The following PCDHGB2 variants were observed in gnomAD, a reference collection of about 807,000 sequenced individuals.
PCDHGB2 encodes the protein protocadherin gamma-B2.
A neutral mutation model predicts 59.3 loss-of-function variants in PCDHGB2; 55 were observed. The observed-to-expected ratio is 0.93, with a 90% CI of 0.75 to 1.16. The LOEUF is 1.16. Ranked by LOEUF, PCDHGB2 falls within the 50% of genes most tolerant of loss-of-function variation. PCDHGB2 has a pLI of 0.00. For synonymous variants in PCDHGB2, 516 were observed against 512.0 expected, an observed-to-expected ratio of 1.01 and a Z score of -0.11; for missense variants, 1,228 against 1,198.5, an observed-to-expected ratio of 1.02 and a Z score of -0.36.
chr5:141,477,175 A>T lies in PCDHGB2; in HGVS notation c.2422-17632A>T, dbSNP rs1338347224. On this transcript the variant is annotated intron_variant, in intron 1 of 3. Transcript: ENST00000522605. This position sits in a 1 kb window ranked among gnomAD's most constrained non-coding sequence, Gnocchi z 4.9. ...TGAATGACAACGCCCCGGAGATCAC[A>T]GTCACCTCCGTGTACAGCCCAGTAC... is the stretch of plus-strand genomic sequence containing the variant. The T allele has an allele frequency of 1.2e-6, 2 of 1,614,186 alleles. No individual in the cohort carries two copies. The highest frequency in any genetic ancestry group is 3.3e-5 in the Admixed American group (2 of 60,028).
chr5:141,376,604 C>T (rs1772886423), intron 1 of PCDHGB2: 4 of 1,509,582 alleles, frequency 2.6e-6, no homozygotes, highest in Non-Finnish European at 3.6e-6. Context: ...GTTATAGAAG[C>T]GAACCTCTTT....
chr5:141,432,271 C>T lies in PCDHGB2; in HGVS notation c.2422-62536C>T. On this transcript the variant is annotated intron_variant, in intron 1 of 3. Transcript: ENST00000522605. The surrounding 1 kb of genome is among the most constrained non-coding windows in gnomAD (Gnocchi z 6.0). ...TCCAAGGGGCAAGCCTATCGTCCTA[C>T]GTGTCCATCAACTCCGACACTGGGG... is the stretch of plus-strand genomic sequence containing the variant. The T allele has an allele frequency of 6.2e-7, 1 of 1,614,264 alleles. No individual in the cohort carries two copies. Among genetic ancestry groups the T allele is most frequent in the Non-Finnish European group, 8.5e-7 (1 of 1,180,050 alleles).
At chr5:141,400,652 T>A in intron 1 of PCDHGB2, 1 of 1,143,230 alleles carries the variant, frequency 8.7e-7, no homozygotes, top group Non-Finnish European at 1.3e-6. Flanking sequence ...AAAGCTGTCC[T>A]ACCATTCTTT....
At chr5:141,395,072 T>C in intron 1 of PCDHGB2, 1 of 1,614,148 alleles carries the variant, frequency 6.2e-7, no homozygotes, top group Non-Finnish European at 8.5e-7. Context: ...TGCAGACCTA[T>C]TCCCAGGAAG....
intron 1 of PCDHGB2, chr5:141,423,360 G>T (rs762976655): frequency 1.2e-6 from 2 of 1,614,224 alleles, no homozygotes; most frequent in South Asian, 2.2e-5. Context: ...TTGTCATCGT[G>T]CTGCTGGCAC....
intron 1 of PCDHGB2, chr5:141,478,150 C>T (rs569939900): frequency 6.2e-7 from 1 of 1,614,086 alleles, no homozygotes; most frequent in African/African-American, 1.3e-5. Flanking sequence ...CCGAGTTCCC[C>T]TCTGGCTCTG....
chr5:141,477,568 C>G lies in PCDHGB2; in HGVS notation c.2422-17239C>G. 1 of 1,614,172 alleles carries G rather than the reference C, an allele frequency of 6.2e-7. No individual in the cohort carries two copies. Among genetic ancestry groups the G allele is most frequent in the Non-Finnish European group, 8.5e-7 (1 of 1,180,044 alleles). On this transcript the variant is annotated intron_variant, in intron 1 of 3. Coordinates refer to ENST00000522605, the MANE Select transcript of PCDHGB2 (RefSeq NM_018923.3). The surrounding 1 kb of genome is among the most constrained non-coding windows in gnomAD (Gnocchi z 4.9). ...TACTAAACCTAAGTGTCTGGGACCC[C>G]GACGCCCCGCAGAATGCTCGGCTTT...
chr5:141,432,435 C>T lies in PCDHGB2; in HGVS notation c.2422-62372C>T. 1 of 1,614,212 alleles carries T rather than the reference C, an allele frequency of 6.2e-7. No homozygotes were observed. Among genetic ancestry groups the T allele is most frequent in the Non-Finnish European group, 8.5e-7 (1 of 1,180,038 alleles). The stretch of plus-strand genomic sequence containing the variant: ...TTCGTGCTGGACCAGAACGACAATG[C>T]GCCCGAGATCCTGTACCCCGCCCTC... On this transcript the variant is annotated intron_variant, in intron 1 of 3. Transcript: ENST00000522605. This position sits in a 1 kb window ranked among gnomAD's most constrained non-coding sequence, Gnocchi z 6.0.
At position 141,490,132 on chromosome 5, in the gene PCDHGB2, A is replaced by C. The variant is rs1245562757; in HGVS notation, c.2422-4675A>C. On this transcript the variant is annotated intron_variant, in intron 1 of 3. Coordinates refer to ENST00000522605, the MANE Select transcript of PCDHGB2 (RefSeq NM_018923.3). This position sits in a 1 kb window ranked among gnomAD's most constrained non-coding sequence, Gnocchi z 5.4. ...GCGGAACCTCTTTGGCCTAGACCCT[A>C]GCAGTGGGGCAATCCATGTGTTGGG... 6.2e-7 allele frequency: 1 copy of C among 1,614,220 alleles called. No individual in the cohort carries two copies. Among genetic ancestry groups the C allele is most frequent in the South Asian group, 1.1e-5 (1 of 91,088 alleles).
intron 1 of PCDHGB2, chr5:141,364,782 G>A (rs1315121311): frequency 6.2e-7 from 1 of 1,613,884 alleles, no homozygotes; most frequent in African/African-American, 1.3e-5. Flanking sequence ...GCAGGGACAC[G>A]GTTAGTGCTT....
rs528252306 is a variant in PCDHGB2 at position 141,372,422 on chromosome 5, C to G, written c.2421+9866C>G. On this transcript the variant is annotated intron_variant, in intron 1 of 3. Coordinates refer to ENST00000522605, the MANE Select transcript of PCDHGB2 (RefSeq NM_018923.3). ...TGCAAGAGATACAACCTGACCTTAG[C>G]GACCGCCCCACTCCCTCTGACCCTC... The G allele has an allele frequency of 2.2e-5, 36 of 1,614,042 alleles. 2 individuals carry two copies. The South Asian group carries it at 3.7e-4, about 17-fold the overall frequency.
chr5:141,418,572 AC>A lies in PCDHGB2; in HGVS notation c.2421+56022del, dbSNP rs752316020. 8.1e-6 allele frequency: 13 copies of A among 1,613,794 alleles called. 1 individual carries two copies. The Admixed American group carries it at 1.8e-4, about 23-fold the overall frequency. ...ATCCTGGTAATAGATGCCAATGACA[AC>A]CCCCCAGTGTTCAGCCAGGACGTGT... On this transcript the variant is annotated intron_variant, in intron 1 of 3. Transcript: ENST00000522605.
rs1389094962 is a variant in PCDHGB2 at position 141,361,627 on chromosome 5, C to A, written c.1492C>A (p.Pro498Thr). The A allele has an allele frequency of 6.2e-7, 1 of 1,613,918 alleles. No homozygotes were observed. The highest frequency in any genetic ancestry group is 2.2e-5 in the East Asian group (1 of 44,880). The change falls in exon 1 of 4, where the codon CCG (proline) becomes ACG (threonine). Residue 498 changes from proline (P) to threonine (T), a missense_variant. By Grantham distance (38) the Pro-to-Thr change is conservative. This residue lies in a region of PCDHGB2 where 781 missense variants were observed against 721.6 expected (regional missense o/e 1.08). Transcript: ENST00000522605. Reference sequence around the variant, plus strand: ...CTCCATCGTAGCGAGCGACCTGAAGCCGCGGGAGATTTTATCCTACGTGTC... The same window carrying A: ...CTCCATCGTAGCGAGCGACCTGAAGACGCGGGAGATTTTATCCTACGTGTC... ...SYSIVASDLK[P>T]REILSYVSVS... is the part of the protein sequence containing the mutation.
chr5:141,421,970 A>C, intron 1 of PCDHGB2: 1 of 1,610,928 alleles, frequency 6.2e-7, no homozygotes, highest in Middle Eastern at 1.7e-4. Flanking sequence ...CAGTCCGTAT[A>C]TCGCGTGAGT....
rs759737266 is a variant in PCDHGB2 at position 141,489,464 on chromosome 5, T to A, written c.2422-5343T>A. 5 of 1,614,030 alleles carry A rather than the reference T, an allele frequency of 3.1e-6. No homozygotes were observed. In the South Asian group the frequency reaches 3.3e-5, roughly 11 times the overall value. On this transcript the variant is annotated intron_variant, in intron 1 of 3. Transcript: ENST00000522605. The surrounding 1 kb of genome is among the most constrained non-coding windows in gnomAD (Gnocchi z 4.5). ...GGCTCTGAGGAGAATGGGCGCTATT[T>A]TTCCCTGAGCTTGATGAGTGGTGCC...
intron 1 of PCDHGB2, chr5:141,484,853 G>T (rs747582810): frequency 2.5e-4 from 64 of 251,466 alleles, no homozygotes; most frequent in Non-Finnish European, 4.3e-4. Flanking sequence ...GGGTTTTTTG[G>T]GGGGTGGGGG....
chr5:141,364,847 A>G (rs572371084), intron 1 of PCDHGB2: 2 of 1,614,006 alleles, frequency 1.2e-6, no homozygotes, highest in Admixed American at 1.7e-5. Flanking sequence ...TTACCAGCTC[A>G]GCTCCAATCT....
intron 1 of PCDHGB2, chr5:141,398,109 G>T: frequency 6.3e-7 from 1 of 1,594,204 alleles, no homozygotes; most frequent in Non-Finnish European, 8.5e-7. Context: ...TGGTGAGCAA[G>T]CTGAGGAGAG....
At chr5:141,390,458 G>A (rs1037400063) in intron 1 of PCDHGB2, 7 of 754,546 alleles carry the variant, frequency 9.3e-6, no homozygotes, top group Non-Finnish European at 1.5e-5. Context: ...AGTAAAGTAG[G>A]AGCAATTGTG....
Sources: allele counts gnomAD v4.1 joint callset, GRCh38; gene constraint gnomAD v4.1.1; regional missense constraint gnomAD v4.1.1; non-coding constraint Gnocchi (gnomAD v3.1); transcripts MANE v1.5; gene names NCBI Gene and HGNC (gene_info 2026-07-23, HGNC 2026-07-21).